The following SCRIB variants were observed in gnomAD, a reference collection of about 807,000 sequenced individuals.
SCRIB encodes the protein protein scribble homolog.
Under a neutral mutation model 170.0 loss-of-function variants are expected in SCRIB, and 72 were observed. That is an observed-to-expected ratio of 0.42 (90% CI 0.35 to 0.52). SCRIB has a LOEUF of 0.52. Ranked by LOEUF, SCRIB falls within the 20% of genes least tolerant of loss-of-function variation. The probability of loss-of-function intolerance (pLI) is 0.02; values close to 1 mark genes in which losing one functional copy is unlikely to be tolerated. For missense variants in SCRIB, 2,475 were observed against 2,338.5 expected, an observed-to-expected ratio of 1.06 and a Z score of -1.20; for synonymous variants, 1,298 against 1,044.3, an observed-to-expected ratio of 1.24 and a Z score of -4.68.
At chr8:143,801,688 G>T (rs886696996) in intron 24 of SCRIB, among the ~76,000 whole-genome samples, 5 of 152,368 alleles carry the variant, frequency 3.3e-5, no homozygotes, top group Admixed American at 1.3e-4. Context: ...CCCCCGGGAA[G>T]ACGGAAGGAC....
chr8:143,793,496 G>A (rs1029463529), intron 28 of SCRIB: 18 of 296,956 alleles, frequency 6.1e-5, no homozygotes, highest in Non-Finnish European at 1.0e-4. Context: ...GGCTGAGCTG[G>A]GGCTGGGTCT....
At position 143,813,389 on chromosome 8, in the gene SCRIB, G is replaced by C. The variant is rs1167727279; in HGVS notation, c.504-15C>G. The C allele has an allele frequency of 3.7e-6, 6 of 1,613,350 alleles. No homozygotes were observed. The highest frequency in any genetic ancestry group is 1.7e-5 in the Admixed American group (1 of 60,008). On this transcript the variant is annotated splice_polypyrimidine_tract_variant and intron_variant, in intron 5 of 36. Transcript: ENST00000356994. ...ATGACAGGGACCTGCAGAGGAAGCA[G>C]GGTGGAGGTGTGGCCACGCAGCCCT...
At position 143,814,130 on chromosome 8, in the gene SCRIB, G is replaced by A. The variant is rs1459680178; in HGVS notation, c.160-12C>T. 4.5e-6 allele frequency: 7 copies of A among 1,549,000 alleles called. No homozygotes were observed. Among genetic ancestry groups the A allele is most frequent in the Non-Finnish European group, 6.1e-6 (7 of 1,145,024 alleles). ...AGCCGGAAAAAAGGCTGTGGGCAGG[G>A]AGGACACGGACTCTGTGGCAGAGAC... On this transcript the variant is annotated splice_polypyrimidine_tract_variant and intron_variant, in intron 1 of 36. Coordinates refer to ENST00000356994, the MANE Select transcript of SCRIB (RefSeq NM_182706.5).
intron 9 of SCRIB, 121 bp from the exon 10 acceptor site, chr8:143,811,466 C>T (rs772370211): frequency 5.5e-5 from 46 of 831,568 alleles, no homozygotes; most frequent in Admixed American, 2.7e-4. Flanking sequence ...CCCTCACAGC[C>T]CCTGGAGACC....
chr8:143,814,240 G>A (rs922017772), intron 1 of SCRIB, 122 bp from the exon 2 acceptor site: 9 of 763,354 alleles, frequency 1.2e-5, no homozygotes, highest in African/African-American at 7.0e-5. Context: ...AGGTCACACC[G>A]GGTCCTGGGG....
rs1448255423 is a variant in SCRIB at position 143,790,969 on chromosome 8, C to T, written c.*194G>A. The stretch of plus-strand genomic sequence containing the variant: ...TTCTCCTTAAACCACAAAATAGAGT[C>T]TTTGGTTGTACAAACATCACTAGTT... On this transcript the variant is annotated 3_prime_UTR_variant, in exon 37 of 37. Transcript: ENST00000356994. 1.8e-5 allele frequency: 9 copies of T among 500,566 alleles called. No homozygotes were observed. In the Admixed American group the frequency reaches 3.3e-4, roughly 18 times the overall value. 31.0% of individuals were successfully genotyped at this position (500,566 alleles called of 1,614,324 possible).
rs1414199305 is a variant in SCRIB, at chr8:143,811,360, G to A, written c.907-15C>T. ...CGGGGCAGGGCCTGGCCAAGAAGAG[G>A]AGGTCAGAGGACGCTAGGGGCTTGC... On this transcript the variant is annotated splice_polypyrimidine_tract_variant and intron_variant, in intron 9 of 36. Transcript: ENST00000356994. The A allele has an allele frequency of 2.5e-6, 4 of 1,607,876 alleles. No individual in the cohort carries two copies. The highest frequency in any genetic ancestry group is 1.1e-5 in the South Asian group (1 of 90,816).
At chr8:143,811,640 C>A (rs936275003) in intron 9 of SCRIB, among the ~76,000 whole-genome samples, 1 of 152,148 alleles carries the variant, frequency 6.6e-6, no homozygotes, top group Admixed American at 6.5e-5. Flanking sequence ...TGCGAGGCTG[C>A]GCCCTGTGAG....
chr8:143,793,416 G>A lies in SCRIB; in HGVS notation c.3910-333C>T, dbSNP rs1563788707. 5 of 282,558 alleles carry A rather than the reference G, an allele frequency of 1.8e-5. No homozygotes were observed. In the South Asian group the frequency reaches 3.7e-4, roughly 21 times the overall value. The allele number at this position is 282,558 out of a possible 1,614,324, so 17.5% of individuals were successfully genotyped here. The stretch of plus-strand genomic sequence containing the variant: ...GTTTAAGGCAAGGGACGGGGGTAGA[G>A]AGGGGGGTGGGAGAGACAGAGAGAG... On this transcript the variant is annotated intron_variant, in intron 28 of 36. Transcript: ENST00000356994.
chr8:143,795,710 C>T lies in SCRIB; in HGVS notation c.3604-180G>A, dbSNP rs568238712. The stretch of plus-strand genomic sequence containing the variant: ...GGGCACTCCGCTGGGCCCCCCAGGA[C>T]GCTGCAGCACTGTCCCCGGCCGGTC... On this transcript the variant is annotated intron_variant, in intron 24 of 36. Transcript: ENST00000356994. 3.7e-4 allele frequency among the ~76,000 whole-genome samples: 56 copies of T among 152,306 alleles called. 1 individual carries two copies. The highest frequency in any genetic ancestry group is 1.6e-3 in the Admixed American group (25 of 15,310).
At chr8:143,800,035 C>T (rs1442837497) in intron 24 of SCRIB, among the ~76,000 whole-genome samples, 1 of 128,168 alleles carries the variant, frequency 7.8e-6, no homozygotes, top group African/African-American at 2.8e-5. Context: ...GAAGCCCCCC[C>T]CCCACCCCAC....
rs1488591859 is a variant in SCRIB at position 143,792,821 on chromosome 8, C to T, written c.4064G>A (p.Arg1355Gln). Reference protein sequence around the residue: ...PAASPEQLSFRERQKYFELEV... With the variant: ...PAASPEQLSFQERQKYFELEV... ...CAGCTCAAAGTACTTCTGCCGCTCC[C>T]GGAAGGACAGCTGCTCCGGGGAGGC... The change falls in exon 30 of 37, where the codon CGG becomes CAG. Residue 1355 changes from arginine to glutamine, a missense_variant. By Grantham distance (43) the Arg-to-Gln change is conservative. This residue lies in a region of SCRIB where 1,966 missense variants were observed against 1,742.9 expected (regional missense o/e 1.13). Transcript: ENST00000356994. 1.0e-5 allele frequency: 16 copies of T among 1,549,802 alleles called. No homozygotes were observed. The highest frequency in any genetic ancestry group is 4.1e-5 in the African/African-American group (3 of 73,602).
chr8:143,794,054 C>T, intron 27 of SCRIB, 92 bp from the exon 28 acceptor site: 1 of 1,215,754 alleles, frequency 8.2e-7, no homozygotes, highest in Admixed American at 2.0e-5. Context: ...GCCTAAAAGC[C>T]ACAGCAGCTC....
Position 143,811,223 on chromosome 8 carries a change from C to T in SCRIB, c.1029G>A (p.Arg343=), listed in dbSNP as rs746578106. The change falls in exon 10 of 37, where the codon AGG becomes AGA. Residue 343 remains arginine, a synonymous_variant. Transcript: ENST00000356994. ...GCVALSVLSL[R]DNRLAVLPPE... ...GTGGCAGGACGGCCAGGCGGTTGTCCCTCAAGGAGAGGACGCTGAGTGCCA... is the reference window on the plus strand; with the variant it reads ...GTGGCAGGACGGCCAGGCGGTTGTCTCTCAAGGAGAGGACGCTGAGTGCCA... 4.3e-6 allele frequency: 7 copies of T among 1,611,574 alleles called. No homozygotes were observed. Among genetic ancestry groups the T allele is most frequent in the Non-Finnish European group, 5.9e-6 (7 of 1,179,440 alleles).
chr8:143,795,320 G>C lies in SCRIB; in HGVS notation c.3728C>G (p.Pro1243Arg). ...PEGPGKEKEL[P>R]GQTLHWGPEA... ...GGGCCCCCAGTGCAGGGTCTGTCCA[G>C]GCAGCTCCTTCTCCTGTGAGCAGAG... Residue 1243 changes from proline to arginine, a missense_variant, in exon 26 of 37, where the codon CCT (proline) becomes CGT (arginine). Pro to Arg is a moderately radical substitution (Grantham distance 103, BLOSUM62 -2). This residue lies in a region of SCRIB where 1,966 missense variants were observed against 1,742.9 expected (regional missense o/e 1.13). Transcript: ENST00000356994. 1 of 1,612,842 alleles carries C rather than the reference G, an allele frequency of 6.2e-7. No individual in the cohort carries two copies. Among genetic ancestry groups the C allele is most frequent in the East Asian group, 2.2e-5 (1 of 44,866 alleles).
chr8:143,791,753 G>A lies in SCRIB; in HGVS notation c.4696-13C>T, dbSNP rs1563785846. 1 of 1,590,364 alleles carries A rather than the reference G, an allele frequency of 6.3e-7. No homozygotes were observed. Among genetic ancestry groups the A allele is most frequent in the Non-Finnish European group, 8.6e-7 (1 of 1,161,304 alleles). On this transcript the variant is annotated splice_polypyrimidine_tract_variant and intron_variant, in intron 34 of 36. Coordinates refer to ENST00000356994, the MANE Select transcript of SCRIB (RefSeq NM_182706.5). ...TTCCAGACAAGGGCTTGAAAGGACA[G>A]CGTGAGGGGAGAGGCAGAGAGTGAG...
At chr8:143,805,830 G>A (rs975247418) in intron 18 of SCRIB, among the ~76,000 whole-genome samples, 2 of 152,198 alleles carry the variant, frequency 1.3e-5, no homozygotes, top group African/African-American at 4.8e-5. Flanking sequence ...CAGTTCCCAC[G>A]CAAAGGTCAG....
intron 24 of SCRIB, among the ~76,000 whole-genome samples, chr8:143,797,247 T>C (rs1814982426): frequency 6.6e-6 from 1 of 152,200 alleles, no homozygotes; most frequent in Non-Finnish European, 1.5e-5. Flanking sequence ...AGCCTCAAAA[T>C]AAATTACGAT....
chr8:143,815,050 G>T (rs1259767029), intron 1 of SCRIB, 164 bp downstream of exon 1: 4 of 774,960 alleles, frequency 5.2e-6, no homozygotes, highest in Non-Finnish European at 7.5e-6. Context: ...GCCAGCCAGG[G>T]CGGCTGGAAG....
Sources: allele counts gnomAD v4.1 joint callset (sites outside exome capture counted in the v4.1 genomes callset), GRCh38; gene constraint gnomAD v4.1.1; regional missense constraint gnomAD v4.1.1; transcripts MANE v1.5; gene names NCBI Gene and HGNC (gene_info 2026-07-23, HGNC 2026-07-21).